Variants in FAM185A observed in about 807,000 individuals in gnomAD.
The protein encoded by FAM185A is family with sequence similarity 185 member A, also known as protein FAM185A.
Under a neutral mutation model 45.7 loss-of-function variants are expected in FAM185A, and 21 were observed. The ratio of observed to expected loss-of-function variants is 0.46; its 90% CI spans 0.33 to 0.66. FAM185A has a LOEUF of 0.66. FAM185A is among the 30% of genes least tolerant of loss of function. The pLI, the probability that FAM185A is intolerant of heterozygous loss-of-function variation, is 0.03. For missense variants in FAM185A, 305 were observed against 485.4 expected (o/e 0.63, Z 3.49); for synonymous variants, 117 against 194.0 (o/e 0.60, Z 3.30).
intron 7 of FAM185A, among the ~76,000 whole-genome samples, chr7:102,799,757 G>T (rs1370840461): frequency 1.3e-5 from 2 of 152,138 alleles, no homozygotes; most frequent in Non-Finnish European, 2.9e-5. Context: ...TAGGGACCAA[G>T]CAAGGAGAAT....
At chr7:102,782,291 T>A (rs1057044527) in intron 6 of FAM185A, among the ~76,000 whole-genome samples, 3 of 152,004 alleles carry the variant, frequency 2.0e-5, no homozygotes, top group African/African-American at 7.3e-5. Context: ...ATTGAGGAAA[T>A]ACAGAGAATG....
chr7:102,826,769 A>ATATG, the FAM185A span, among the ~76,000 whole-genome samples: 905 of 100,642 alleles, frequency 9.0e-3, 63 homozygotes, highest in African/African-American at 0.014. Flanking sequence ...ATATATATAT[A>ATATG]TATGTATATA....
the FAM185A span, chr7:102,822,385 G>A: frequency 1.4e-6 from 1 of 705,530 alleles, no homozygotes; most frequent in African/African-American, 1.7e-5. Context: ...AGAGGTACCT[G>A]CAATTGGTGT....
At chr7:102,790,890 C>T (rs907515142) in intron 7 of FAM185A, among the ~76,000 whole-genome samples, 1 of 152,064 alleles carries the variant, frequency 6.6e-6, no homozygotes, top group Non-Finnish European at 1.5e-5. Flanking sequence ...TTTGAGTCAA[C>T]ACTGCCGGAA....
chr7:102,777,498 T>A, intron 6 of FAM185A, 150 bp downstream of exon 6: 1 of 509,156 alleles, frequency 2.0e-6, no homozygotes, highest in Non-Finnish European at 3.3e-6. Flanking sequence ...ACTGGTCTGC[T>A]AGCTTTCTAG....
the FAM185A span, chr7:102,832,966 G>A: frequency 3.1e-6 from 5 of 1,613,936 alleles, no homozygotes; most frequent in African/African-American, 4.0e-5. Flanking sequence ...GTGAGCTTTT[G>A]CAGAATGCCT....
At chr7:102,839,499 C>T in the FAM185A span, among the ~76,000 whole-genome samples, 2 of 152,170 alleles carry the variant, frequency 1.3e-5, no homozygotes, top group East Asian at 1.9e-4. Context: ...AGGGGCTGGC[C>T]CCCTTCACAG....
At chr7:102,814,595 A>G in the FAM185A span, among the ~76,000 whole-genome samples, 1 of 152,244 alleles carries the variant, frequency 6.6e-6, no homozygotes, top group African/African-American at 2.4e-5. Flanking sequence ...CTCTAAGCAC[A>G]TTGCTTTTTA....
In FAM185A at chr7:102,751,758, A is replaced by G. The variant is rs1332751220; in HGVS notation, c.518A>G (p.Lys173Arg). Reference sequence around the variant, plus strand: ...CAAAGTATTGAGGGTGATAATTGCAAAATTGAAACAGAGCATGGGACTAGT... The same window carrying G: ...CAAAGTATTGAGGGTGATAATTGCAGAATTGAAACAGAGCATGGGACTAGT... ...KVQSIEGDNCKIETEHGTSIL... is the reference protein window; with the variant it reads ...KVQSIEGDNCRIETEHGTSIL... Residue 173 changes from lysine to arginine, a missense_variant, in exon 2 of 8, where the codon AAA becomes AGA. Physicochemically the swap from Lys to Arg is conservative, Grantham distance 26. Around this residue, in one of 5 missense-constraint regions of FAM185A, gnomAD observed 174 missense variants for 247.1 expected, o/e 0.70. Transcript: ENST00000413034. 1 of 1,551,588 alleles carries G rather than the reference A, an allele frequency of 6.4e-7. No individual in the cohort carries two copies. The highest frequency in any genetic ancestry group is 2.0e-5 in the Admixed American group (1 of 50,968).
chr7:102,760,780 A>AAT (rs1318586059), intron 3 of FAM185A, among the ~76,000 whole-genome samples: 1 of 152,154 alleles, frequency 6.6e-6, no homozygotes, highest in African/African-American at 2.4e-5. Context: ...AAAAAGTATT[A>AAT]ATATAAGGAT....
At chr7:102,775,010 GTTT>G (rs200919500) in intron 5 of FAM185A, among the ~76,000 whole-genome samples, 1 of 80,000 alleles carries the variant, frequency 1.3e-5, no homozygotes, top group African/African-American at 3.3e-5. Flanking sequence ...TTTTGTTTTT[GTTT>G]TTTTTTTTTG....
Position 102,761,411 on chromosome 7 carries a change from G to A in FAM185A, c.793G>A (p.Gly265Ser). Reference sequence around the variant, plus strand: ...GGATATTACATTAGGAAGTGTTCATGGTAAGCTGACAAAGGCATAATACAT... The same window carrying A: ...GGATATTACATTAGGAAGTGTTCATAGTAAGCTGACAAAGGCATAATACAT... ...AGDITLGSVH[G>S]NITLQSKMGN... Residue 265 changes from glycine (G) to serine (S), a missense_variant and splice_region_variant, in exon 4 of 8, where the codon GGT becomes AGT. Around this residue, in one of 5 missense-constraint regions of FAM185A, gnomAD observed 44 missense variants for 66.8 expected, o/e 0.66. Coordinates refer to ENST00000413034, the MANE Select transcript of FAM185A (RefSeq NM_001145268.2). 3 of 1,511,570 alleles carry A rather than the reference G, an allele frequency of 2.0e-6. No homozygotes were observed. Among genetic ancestry groups the A allele is most frequent in the Admixed American group, 2.3e-5 (1 of 42,800 alleles). The allele number at this position is 1,511,570 out of a possible 1,614,324, so 93.6% of individuals were successfully genotyped here. A position where few individuals can be genotyped will look rare whatever the true frequency, so the allele number is the denominator to read the frequency against.
chr7:102,838,791 A>G, the FAM185A span, among the ~76,000 whole-genome samples: 1 of 152,194 alleles, frequency 6.6e-6, no homozygotes, highest in Non-Finnish European at 1.5e-5. Context: ...CCAGGGGCAC[A>G]ATGCACTGCA....
chr7:102,790,081 A>G, intron 7 of FAM185A, among the ~76,000 whole-genome samples: 1 of 148,180 alleles, frequency 6.7e-6, no homozygotes, highest in African/African-American at 2.5e-5. Context: ...TATCGTAACT[A>G]TTTTTTTTTT....
chr7:102,804,295 A>G (rs950227557), intron 7 of FAM185A, among the ~76,000 whole-genome samples: 18 of 152,244 alleles, frequency 1.2e-4, no homozygotes, highest in African/African-American at 4.3e-4. Flanking sequence ...CTTTAAGGCC[A>G]TCGTCACCAA....
At chr7:102,831,431 A>ACCCCCC in the FAM185A span, among the ~76,000 whole-genome samples, 8 of 147,126 alleles carry the variant, frequency 5.4e-5, no homozygotes, top group African/African-American at 1.7e-4. Flanking sequence ...ACACACACAC[A>ACCCCCC]CCCCACTACA....
chr7:102,848,273 G>GTGTGTACGGATATTATAT, the FAM185A span, among the ~76,000 whole-genome samples: 1 of 116,168 alleles, frequency 8.6e-6, no homozygotes. Flanking sequence ...ATACACATTC[G>GTGTGTACGGATATTATAT]AGGCCGGGCG....
At chr7:102,787,974 T>C (rs1584338421) in intron 7 of FAM185A, among the ~76,000 whole-genome samples, 1 of 152,054 alleles carries the variant, frequency 6.6e-6, no homozygotes, top group Non-Finnish European at 1.5e-5. Context: ...GTTGGTTTTT[T>C]TGTTGTTTGA....
chr7:102,823,949 A>T, the FAM185A span, among the ~76,000 whole-genome samples: 1 of 152,170 alleles, frequency 6.6e-6, no homozygotes, highest in Admixed American at 6.5e-5. Flanking sequence ...GATGTCATTG[A>T]TAAAAGAAAA....
Sources: allele counts gnomAD v4.1 joint callset (sites outside exome capture counted in the v4.1 genomes callset), GRCh38; gene constraint gnomAD v4.1.1; regional missense constraint gnomAD v4.1.1; transcripts MANE v1.5; gene names NCBI Gene and HGNC (gene_info 2026-07-23, HGNC 2026-07-21).